NDST1: variants seen among roughly 807,000 people sequenced by gnomAD.
NDST1 encodes bifunctional heparan sulfate N-deacetylase/N-sulfotransferase 1.
A neutral mutation model predicts 92.8 loss-of-function variants in NDST1; 35 were observed. That is an observed-to-expected ratio of 0.38 (90% CI 0.29 to 0.50). The LOEUF is 0.50. Among genes scored for constraint, NDST1 ranks in the 20% least tolerant of loss-of-function variants. NDST1 has a pLI of 0.94. For missense variants in NDST1, 822 were observed against 1,182.7 expected (o/e 0.69, Z 4.47); for synonymous variants, 493 against 500.3 (o/e 0.99, Z 0.19).
rs1185366463 is a variant in NDST1 at position 150,553,485 on chromosome 5, A to G, written c.*153A>G. 1.1e-5 allele frequency: 12 copies of G among 1,118,754 alleles called. No homozygotes were observed. The Middle Eastern group carries it at 8.7e-4, about 81-fold the overall frequency. 69.3% of individuals were successfully genotyped at this position (1,118,754 alleles called of 1,614,324 possible). A position where few individuals can be genotyped will look rare whatever the true frequency, so the allele number is the denominator to read the frequency against. Reference sequence around the variant, plus strand: ...GTCTGGTGGGGCTGGGGGAGCACCCAGGCGGATCTGCAAGCACCTCGGAGC... The same window carrying G: ...GTCTGGTGGGGCTGGGGGAGCACCCGGGCGGATCTGCAAGCACCTCGGAGC... On this transcript the variant is annotated 3_prime_UTR_variant, in exon 15 of 15. Transcript: ENST00000261797. This position sits in a 1 kb window ranked among gnomAD's most constrained non-coding sequence, Gnocchi z 4.2.
chr5:150,535,702 G>A lies in NDST1; in HGVS notation c.1254G>A (p.Glu418=). Reference sequence around the variant, plus strand: ...TGGCCTGGTCATCCTCTCCCTAGGAGCATGGCATTCCCACAGACATGGGGT... The same window carrying A: ...TGGCCTGGTCATCCTCTCCCTAGGAACATGGCATTCCCACAGACATGGGGT... ...QMALNKKFAV[E]HGIPTDMGYA... The change falls in exon 6 of 15, where the codon GAG becomes GAA. Residue 418 remains glutamate (E), a splice_region_variant and synonymous_variant. Transcript: ENST00000261797. 2 of 1,614,210 alleles carry A rather than the reference G, an allele frequency of 1.2e-6. No homozygotes were observed. The highest frequency in any genetic ancestry group is 1.1e-5 in the South Asian group (1 of 91,086).
chr5:150,523,035 GC>G (rs917375540), intron 2 of NDST1, among the ~76,000 whole-genome samples: 4 of 152,194 alleles, frequency 2.6e-5, no homozygotes, highest in Non-Finnish European at 4.4e-5. Context: ...TGCGCACTGG[GC>G]CCTGTCTCCT....
In NDST1 at chr5:150,527,986, C is replaced by T. The variant is rs770857229; in HGVS notation, c.696C>T (p.His232=). ...GEDWTVFQSN[H]STYEPVLLAK... The stretch of plus-strand genomic sequence containing the variant: ...ACTGGACGGTTTTCCAGTCAAATCA[C>T]TCCACCTATGAGCCAGTGCTGCTGG... The change falls in exon 3 of 15, where the codon CAC becomes CAT. Residue 232 remains histidine, a synonymous_variant. Transcript: ENST00000261797. The T allele has an allele frequency of 1.2e-5, 20 of 1,613,860 alleles. No homozygotes were observed. Among genetic ancestry groups the T allele is most frequent in the African/African-American group, 1.3e-5 (1 of 74,946 alleles).
chr5:150,526,087 C>T (rs1279608047), intron 2 of NDST1, among the ~76,000 whole-genome samples: 2 of 152,170 alleles, frequency 1.3e-5, no homozygotes, highest in Admixed American at 1.3e-4. Flanking sequence ...CCTGTCCTAC[C>T]TCAGGGCCTT....
At position 150,539,145 on chromosome 5, in the gene NDST1, G is replaced by A. The variant is rs1237904816; in HGVS notation, c.1438-83G>A. 3 of 1,142,036 alleles carry A rather than the reference G, an allele frequency of 2.6e-6. 1 individual carries two copies. The African/African-American group carries it at 4.6e-5, about 17-fold the overall frequency. The allele number at this position is 1,142,036 out of a possible 1,614,324, so 70.7% of individuals were successfully genotyped here. ...AGACTGCCTTTCTGAGGAGCAGCTG[G>A]GCCTTCTTCCTCTGAGGAAGAGTCC... On this transcript the variant is annotated intron_variant, in intron 6 of 14. Coordinates refer to ENST00000261797, the MANE Select transcript of NDST1 (RefSeq NM_001543.5).
Position 150,556,814 on chromosome 5 carries a change from T to G in NDST1, c.*3482T>G, listed in dbSNP as rs193207596. 3.3e-5 allele frequency: 5 copies of G among 152,786 alleles called. No individual in the cohort carries two copies. In the East Asian group the frequency reaches 9.6e-4, roughly 29 times the overall value. 9.5% of individuals were successfully genotyped at this position (152,786 alleles called of 1,614,324 possible). A position where few individuals can be genotyped will look rare whatever the true frequency, so the allele number is the denominator to read the frequency against. On this transcript the variant is annotated 3_prime_UTR_variant, in exon 15 of 15. Coordinates refer to ENST00000261797, the MANE Select transcript of NDST1 (RefSeq NM_001543.5). ...CCCCAATTGTCTCCCAGGTAACTTA[T>G]GTGTCTGGTTTTGGAATCAGCATCC... is the stretch of plus-strand genomic sequence containing the variant.
chr5:150,515,055 G>A (rs567798882), intron 1 of NDST1, among the ~76,000 whole-genome samples: 4 of 152,344 alleles, frequency 2.6e-5, no homozygotes, highest in African/African-American at 9.6e-5. Context: ...GGCTACAGGA[G>A]GTAGAGCCAT....
intron 1 of NDST1, among the ~76,000 whole-genome samples, chr5:150,498,909 C>T (rs1235898784): frequency 6.6e-6 from 1 of 152,220 alleles, no homozygotes; most frequent in East Asian, 1.9e-4. Context: ...GACTTGGGCT[C>T]TTGGTCCAGC....
chr5:150,540,286 G>A, intron 8 of NDST1, 22 bp downstream of exon 8: 1 of 1,585,214 alleles, frequency 6.3e-7, no homozygotes. Flanking sequence ...GGCAGCCTGG[G>A]CAGGTTGCTA....
At chr5:150,514,170 G>A (rs1753852632) in intron 1 of NDST1, among the ~76,000 whole-genome samples, 1 of 152,236 alleles carries the variant, frequency 6.6e-6, no homozygotes, top group Admixed American at 6.5e-5. Context: ...CTCTGCCACT[G>A]AACAGTTGTG....
intron 5 of NDST1, 159 bp from the exon 6 acceptor site, chr5:150,535,541 G>T: frequency 1.5e-6 from 1 of 658,442 alleles, no homozygotes; most frequent in African/African-American, 2.0e-5. Flanking sequence ...CACATTCCTT[G>T]CCCTCCCAGG....
In NDST1 at chr5:150,539,214, C is replaced by G. The variant is rs765878002; in HGVS notation, c.1438-14C>G. 7 of 1,608,954 alleles carry G rather than the reference C, an allele frequency of 4.4e-6. No individual in the cohort carries two copies. Among genetic ancestry groups the G allele is most frequent in the Middle Eastern group, 3.3e-4 (2 of 6,072 alleles). On this transcript the variant is annotated splice_polypyrimidine_tract_variant and intron_variant, in intron 6 of 14. Transcript: ENST00000261797. ...AGAAGGCACCATAGCTCCTCTCCCC[C>G]ACCCCCTCCTCAGGTTCTCCCACGG...
rs747907538 is a variant in NDST1 at position 150,549,706 on chromosome 5, G to A, written c.2345G>A (p.Arg782His). ...QILVLDGKLL[R>H]TEPAKVMDMV... ...CTGGTCTTGGATGGCAAACTGCTTC[G>A]CACAGAACCTGCCAAAGTGATGGAC... Residue 782 changes from arginine to histidine, a missense_variant, in exon 13 of 15, where the codon CGC (arginine) becomes CAC (histidine). Coordinates refer to ENST00000261797, the MANE Select transcript of NDST1 (RefSeq NM_001543.5). 8 of 1,613,810 alleles carry A rather than the reference G, an allele frequency of 5.0e-6. No individual in the cohort carries two copies. Among genetic ancestry groups the A allele is most frequent in the African/African-American group, 1.3e-5 (1 of 74,988 alleles).
intron 8 of NDST1, 127 bp downstream of exon 8, chr5:150,540,391 C>T: frequency 9.8e-7 from 1 of 1,023,378 alleles, no homozygotes; most frequent in South Asian, 1.7e-5. Flanking sequence ...AATGTAAACT[C>T]AGGTCCCCAT....
chr5:150,551,611 A>G, intron 13 of NDST1, 142 bp from the exon 14 acceptor site: 4 of 1,051,094 alleles, frequency 3.8e-6, no homozygotes. Flanking sequence ...CACAGATGGC[A>G]CATAGCTTCT....
rs1415677982 is a variant in NDST1 at position 150,521,188 on chromosome 5, C to T, written c.-67C>T. 18 of 1,439,442 alleles carry T rather than the reference C, an allele frequency of 1.3e-5. No individual in the cohort carries two copies. Among genetic ancestry groups the T allele is most frequent in the Non-Finnish European group, 1.7e-5 (18 of 1,061,056 alleles). 89.2% of individuals were successfully genotyped at this position (1,439,442 alleles called of 1,614,324 possible). ...TCAGTGGACGATTCTCGTGTCTCCT[C>T]CTGTGTGGGGCCTTGGGGTAGCCAG... On this transcript the variant is annotated 5_prime_UTR_variant, in exon 2 of 15. Transcript: ENST00000261797. The surrounding 1 kb of genome is among the most constrained non-coding windows in gnomAD (Gnocchi z 5.9).
rs1754059186 is a variant in NDST1, at chr5:150,517,980, GC to G, written c.-387-2885del. Among the ~76,000 whole-genome samples, 4 of 152,236 alleles carry G rather than the reference GC, an allele frequency of 2.6e-5. No homozygotes were observed. The South Asian group carries it at 8.3e-4, about 32-fold the overall frequency. On this transcript the variant is annotated intron_variant, in intron 1 of 14. Transcript: ENST00000261797. Reference sequence around the variant, plus strand: ...TGGGGCTGGGCTGCGGCCACAGGCTGCCCTTATCAATGGTAAATGGGACACC... The same window carrying G: ...TGGGGCTGGGCTGCGGCCACAGGCTGCCTTATCAATGGTAAATGGGACACC...
Position 150,553,365 on chromosome 5 carries a change from G to A in NDST1, c.*33G>A. On this transcript the variant is annotated 3_prime_UTR_variant, in exon 15 of 15. Coordinates refer to ENST00000261797, the MANE Select transcript of NDST1 (RefSeq NM_001543.5). The surrounding 1 kb of genome is among the most constrained non-coding windows in gnomAD (Gnocchi z 4.2). ...CACCACAGCCAGACTGAACGTTTGT[G>A]AAAGCTGGGACATCCCACCACACGC... 1.9e-6 allele frequency: 3 copies of A among 1,608,400 alleles called. No homozygotes were observed. The highest frequency in any genetic ancestry group is 2.6e-6 in the Non-Finnish European group (3 of 1,176,156).
chr5:150,539,992 C>A, intron 7 of NDST1, 90 bp from the exon 8 acceptor site: 1 of 1,513,190 alleles, frequency 6.6e-7, no homozygotes, highest in Non-Finnish European at 9.1e-7. Flanking sequence ...GCCTTGCAAG[C>A]TAAGGCAGGG....
Sources: allele counts gnomAD v4.1 joint callset (sites outside exome capture counted in the v4.1 genomes callset), GRCh38; gene constraint gnomAD v4.1.1; non-coding constraint Gnocchi (gnomAD v3.1); transcripts MANE v1.5; gene names NCBI Gene and HGNC (gene_info 2026-07-23, HGNC 2026-07-21).